KITLG: variants seen among roughly 807,000 people sequenced by gnomAD.
KITLG encodes c-Kit ligand.
A neutral mutation model predicts 34.1 loss-of-function variants in KITLG; 13 were observed. The ratio of observed to expected loss-of-function variants is 0.38; its 90% CI spans 0.25 to 0.61. The LOEUF is 0.61. Among genes scored for constraint, KITLG ranks in the 20% least tolerant of loss-of-function variants. The pLI is 0.60. For synonymous variants in KITLG, 110 were observed against 104.0 expected (o/e 1.06, Z -0.35); for missense variants, 292 against 318.9 (o/e 0.92, Z 0.64).
intron 3 of KITLG, among the ~76,000 whole-genome samples, chr12:88,527,971 A>G (rs1197492406): frequency 1.3e-5 from 2 of 152,236 alleles, no homozygotes; most frequent in Admixed American, 1.3e-4. Context: ...GACAGGATGT[A>G]GTAGCTTATT....
chr12:88,532,947 C>T (rs143756172), intron 2 of KITLG, among the ~76,000 whole-genome samples: 1 of 152,242 alleles, frequency 6.6e-6, no homozygotes, highest in Non-Finnish European at 1.5e-5. Flanking sequence ...AATGCATATT[C>T]TCAGGCCATA....
intron 2 of KITLG, among the ~76,000 whole-genome samples, chr12:88,535,559 C>A (rs1343051777): frequency 2.6e-5 from 4 of 152,136 alleles, no homozygotes; most frequent in Non-Finnish European, 5.9e-5. Flanking sequence ...GCACATCTAC[C>A]TATAGCGCAG....
chr12:88,526,357 C>T (rs973748810), intron 3 of KITLG, among the ~76,000 whole-genome samples: 4 of 152,160 alleles, frequency 2.6e-5, no homozygotes, highest in African/African-American at 9.7e-5. Flanking sequence ...AGTGCAGATA[C>T]TGTGTGACGA....
At chr12:88,498,989 CT>C (rs1167294856) in intron 9 of KITLG, among the ~76,000 whole-genome samples, 3 of 152,162 alleles carry the variant, frequency 2.0e-5, no homozygotes, top group African/African-American at 7.2e-5. Context: ...AACGTAAAGA[CT>C]GGCACCTGTT....
At chr12:88,532,906 G>T (rs940616585) in intron 2 of KITLG, among the ~76,000 whole-genome samples, 1 of 152,100 alleles carries the variant, frequency 6.6e-6, no homozygotes, top group Non-Finnish European at 1.5e-5. Context: ...GGACCTCAAA[G>T]TGATGTGCCA....
In KITLG at chr12:88,561,783, G is replaced by T. The variant is rs191416104; in HGVS notation, c.16-15918C>A. Among the ~76,000 whole-genome samples the T allele has an allele frequency of 2.8e-4, 42 of 152,262 alleles. 1 individual carries two copies. The East Asian group carries it at 7.9e-3, about 29-fold the overall frequency. On this transcript the variant is annotated intron_variant, in intron 1 of 9. Transcript: ENST00000644744. Reference sequence around the variant, plus strand: ...CCACACTGGCCTCCTTTATGTTCCTGAAATACCTGGAAGGTAATTCCTGCC... The same window carrying T: ...CCACACTGGCCTCCTTTATGTTCCTTAAATACCTGGAAGGTAATTCCTGCC...
At chr12:88,508,005 G>A (rs1045685073) in intron 6 of KITLG, among the ~76,000 whole-genome samples, 6 of 152,070 alleles carry the variant, frequency 3.9e-5, no homozygotes, top group African/African-American at 7.2e-5. Context: ...CAGCCAACAC[G>A]GTAAAACCCC....
intron 8 of KITLG, 45 bp downstream of exon 8, chr12:88,506,266 G>A: frequency 7.7e-7 from 1 of 1,291,950 alleles, no homozygotes; most frequent in Non-Finnish European, 1.1e-6. Flanking sequence ...GTGTGAAATG[G>A]CAATGTCATG....
intron 1 of KITLG, 154 bp from the exon 2 acceptor site, chr12:88,546,019 C>T (rs775385755): frequency 1.4e-6 from 1 of 730,530 alleles, no homozygotes; most frequent in South Asian, 1.4e-5. Flanking sequence ...AAGCTATGCT[C>T]ACCAAAGTTT....
intron 1 of KITLG, among the ~76,000 whole-genome samples, chr12:88,569,665 T>G (rs978465687): frequency 6.6e-6 from 1 of 152,180 alleles, no homozygotes; most frequent in Non-Finnish European, 1.5e-5. Context: ...TAAGAGGTTT[T>G]CGTTCTTAGG....
chr12:88,579,281 C>G (rs1026259509), intron 1 of KITLG, among the ~76,000 whole-genome samples: 3 of 152,142 alleles, frequency 2.0e-5, no homozygotes, highest in Admixed American at 2.0e-4. Context: ...TCAGGAACTG[C>G]AATCTCCAAC....
chr12:88,568,671 G>T (rs1341873687), intron 1 of KITLG, among the ~76,000 whole-genome samples: 1 of 152,072 alleles, frequency 6.6e-6, no homozygotes, highest in Admixed American at 6.6e-5. Context: ...AACACTTTGA[G>T]AAATATAATT....
intron 2 of KITLG, among the ~76,000 whole-genome samples, chr12:88,535,014 C>T (rs1026184256): frequency 3.9e-5 from 6 of 152,026 alleles, no homozygotes; most frequent in Non-Finnish European, 5.9e-5. Flanking sequence ...ATTCTGAACA[C>T]AAGCTGCTTA....
intron 1 of KITLG, among the ~76,000 whole-genome samples, chr12:88,557,051 AAAG>A (rs1871119147): frequency 6.6e-6 from 1 of 152,202 alleles, no homozygotes; most frequent in Non-Finnish European, 1.5e-5. Context: ...GCCAAAAAAG[AAAG>A]AAGAGAGTGA....
chr12:88,551,438 A>C (rs1308691978), intron 1 of KITLG, among the ~76,000 whole-genome samples: 2 of 152,248 alleles, frequency 1.3e-5, no homozygotes, highest in African/African-American at 4.8e-5. Flanking sequence ...GTGAATTGAA[A>C]TATTAAACTT....
intron 3 of KITLG, among the ~76,000 whole-genome samples, chr12:88,520,196 A>G (rs975962294): frequency 4.6e-5 from 7 of 152,194 alleles, no homozygotes; most frequent in Non-Finnish European, 8.8e-5. Context: ...ATGTGTTTCC[A>G]AAGTATGTGC....
chr12:88,497,686 G>A (rs923574369), intron 9 of KITLG, among the ~76,000 whole-genome samples: 3 of 152,202 alleles, frequency 2.0e-5, no homozygotes, highest in African/African-American at 4.8e-5. Context: ...CGAACAAAGT[G>A]TCTGGAGAGT....
At chr12:88,527,015 C>T (rs1383513747) in intron 3 of KITLG, among the ~76,000 whole-genome samples, 6 of 151,932 alleles carry the variant, frequency 3.9e-5, no homozygotes, top group Admixed American at 2.0e-4. Context: ...ACTACAGGCG[C>T]CCGCCACCAC....
At chr12:88,556,358 A>T (rs1871098606) in intron 1 of KITLG, among the ~76,000 whole-genome samples, 1 of 152,186 alleles carries the variant, frequency 6.6e-6, no homozygotes, top group East Asian at 1.9e-4. Flanking sequence ...TATTGTTAAA[A>T]GGTTTATCAG....
Sources: allele counts gnomAD v4.1 joint callset (sites outside exome capture counted in the v4.1 genomes callset), GRCh38; gene constraint gnomAD v4.1.1; transcripts MANE v1.5; gene names NCBI Gene and HGNC (gene_info 2026-07-23, HGNC 2026-07-21).